The following STAG1 variants were observed in gnomAD, a reference collection of about 807,000 sequenced individuals.
STAG1 encodes STAG1 cohesin complex component.
Under a neutral mutation model 170.9 loss-of-function variants are expected in STAG1, and 26 were observed. That is an observed-to-expected ratio of 0.15 (90% CI 0.11 to 0.21). The LOEUF (loss-of-function observed/expected upper bound fraction) is 0.21. Ranked by LOEUF, STAG1 falls within the 10% of genes least tolerant of loss-of-function variation. STAG1 has a pLI of 1.00. For synonymous variants in STAG1, 514 were observed against 497.7 expected, an observed-to-expected ratio of 1.03 and a Z score of -0.44; for missense variants, 964 against 1,509.5, an observed-to-expected ratio of 0.64 and a Z score of 5.99.
At chr3:136,606,746 C>T (rs1483109878) in intron 3 of STAG1, among the ~76,000 whole-genome samples, 1 of 143,958 alleles carries the variant, frequency 6.9e-6, no homozygotes, top group Non-Finnish European at 1.5e-5. Context: ...GGAGAGGTAA[C>T]ATGCTTTTTT....
Position 136,588,891 on chromosome 3 carries a change from T to G in STAG1, c.297+15418A>C, listed in dbSNP as rs139862846. Among the ~76,000 whole-genome samples, 988 of 152,270 alleles carry G rather than the reference T, an allele frequency of 6.5e-3. 13 individuals are homozygous for G. The highest frequency in any genetic ancestry group is 5.4e-3 in the Non-Finnish European group (365 of 68,024). On this transcript the variant is annotated intron_variant, in intron 4 of 33. Transcript: ENST00000383202. ...AATTCTCCTGCTTCAGCCTCCCAAG[T>G]AGCTCGGACTACAGGCACGTGTCAC... is the stretch of plus-strand genomic sequence containing the variant.
At chr3:136,674,920 AAG>A (rs1202259088) in intron 1 of STAG1, among the ~76,000 whole-genome samples, 1 of 152,194 alleles carries the variant, frequency 6.6e-6, no homozygotes, top group Non-Finnish European at 1.5e-5. Context: ...AGCAAAAGTT[AAG>A]AGAGTAACTC....
intron 14 of STAG1, among the ~76,000 whole-genome samples, chr3:136,445,984 T>C (rs1329599689): frequency 2.6e-5 from 4 of 152,234 alleles, no homozygotes; most frequent in Non-Finnish European, 4.4e-5. Context: ...TTGATTTATA[T>C]TTACTGGGAT....
At chr3:136,616,085 G>A (rs1017657925) in intron 3 of STAG1, among the ~76,000 whole-genome samples, 3 of 151,894 alleles carry the variant, frequency 2.0e-5, no homozygotes, top group African/African-American at 7.3e-5. Context: ...TGGTTAACAC[G>A]GTGAAACCCC....
chr3:136,661,525 T>A (rs1041633951), intron 1 of STAG1, among the ~76,000 whole-genome samples: 3 of 152,134 alleles, frequency 2.0e-5, no homozygotes, highest in Non-Finnish European at 4.4e-5. Context: ...AAAATATGTA[T>A]ACACATACGA....
intron 1 of STAG1, among the ~76,000 whole-genome samples, chr3:136,746,362 G>A (rs1439334576): frequency 6.6e-6 from 1 of 151,736 alleles, no homozygotes; most frequent in Non-Finnish European, 1.5e-5. Flanking sequence ...CAATCTTTTA[G>A]CTTCCCTGGG....
At chr3:136,471,541 A>C (rs1367139535) in intron 12 of STAG1, among the ~76,000 whole-genome samples, 1 of 151,576 alleles carries the variant, frequency 6.6e-6, no homozygotes, top group Non-Finnish European at 1.5e-5. Context: ...GATTTCAAAC[A>C]ACAGTAGATC....
chr3:136,517,099 CAT>C (rs2107897419), intron 7 of STAG1, among the ~76,000 whole-genome samples: 1 of 152,286 alleles, frequency 6.6e-6, no homozygotes, highest in South Asian at 2.1e-4. Context: ...AATAATGAAT[CAT>C]ATGTGAATAT....
chr3:136,478,983 T>C (rs2089840609), intron 9 of STAG1, among the ~76,000 whole-genome samples: 1 of 152,040 alleles, frequency 6.6e-6, no homozygotes, highest in Non-Finnish European at 1.5e-5. Context: ...ATAAAATCAC[T>C]TAATACAAAT....
intron 6 of STAG1, among the ~76,000 whole-genome samples, chr3:136,530,745 T>C (rs1935327487): frequency 6.6e-6 from 1 of 151,942 alleles, no homozygotes; most frequent in Non-Finnish European, 1.5e-5. Context: ...TACCAAAACC[T>C]GTGGGATATA....
chr3:136,463,992 A>T (rs1478871291), intron 13 of STAG1, among the ~76,000 whole-genome samples: 1 of 150,892 alleles, frequency 6.6e-6, no homozygotes, highest in Non-Finnish European at 1.5e-5. Flanking sequence ...TCACGCTAAA[A>T]CATGTACATC....
intron 15 of STAG1, among the ~76,000 whole-genome samples, chr3:136,435,178 G>C (rs573694651): frequency 3.3e-5 from 5 of 152,050 alleles, no homozygotes; most frequent in African/African-American, 1.2e-4. Context: ...CTAAAATTTT[G>C]TTTAATTTCT....
At chr3:136,513,352 G>A (rs751714399) in intron 7 of STAG1, among the ~76,000 whole-genome samples, 9 of 150,160 alleles carry the variant, frequency 6.0e-5, no homozygotes, top group South Asian at 2.1e-4. Flanking sequence ...GCAAGACCCC[G>A]TCTCAAAAAA....
chr3:136,382,570 T>C (rs932537341), intron 22 of STAG1, among the ~76,000 whole-genome samples: 2 of 151,986 alleles, frequency 1.3e-5, no homozygotes, highest in Non-Finnish European at 2.9e-5. Context: ...GCCCAGCTAC[T>C]ATTTTTTTTC....
rs1490208120 is a variant in STAG1, at chr3:136,594,008, T to G, written c.297+10301A>C. ...TATAATTACAATCCTTATACATTCT[T>G]TGGCCATTTTAATACTTCTTGAAAC... On this transcript the variant is annotated intron_variant, in intron 4 of 33. Transcript: ENST00000383202. Among the ~76,000 whole-genome samples the G allele has an allele frequency of 2.0e-5, 3 of 152,314 alleles. No homozygotes were observed. The East Asian group carries it at 5.8e-4, about 29-fold the overall frequency.
intron 1 of STAG1, among the ~76,000 whole-genome samples, chr3:136,644,992 A>C (rs1261414366): frequency 6.6e-6 from 1 of 152,162 alleles, no homozygotes; most frequent in Non-Finnish European, 1.5e-5. Context: ...GATCTCCCGA[A>C]GTGCTGGGAT....
At chr3:136,417,698 CTT>C (rs1169274157) in intron 21 of STAG1, 185 bp downstream of exon 21, 4 of 502,228 alleles carry the variant, frequency 8.0e-6, no homozygotes, top group East Asian at 6.4e-5. Flanking sequence ...TTTTTCTACT[CTT>C]AACACATAAG....
At chr3:136,637,804 G>C (rs1940630322) in intron 1 of STAG1, among the ~76,000 whole-genome samples, 1 of 152,056 alleles carries the variant, frequency 6.6e-6, no homozygotes. Flanking sequence ...AAAGCATAAA[G>C]GAATGTAAGT....
At chr3:136,635,322 A>G (rs1455752576) in intron 1 of STAG1, among the ~76,000 whole-genome samples, 2 of 152,198 alleles carry the variant, frequency 1.3e-5, no homozygotes, top group Non-Finnish European at 2.9e-5. Context: ...AACATTCAAA[A>G]ATCAATTAAT....
Sources: gnomAD v4.1 joint callset for allele counts (sites outside exome capture counted in the v4.1 genomes callset) on GRCh38, gnomAD v4.1.1 for gene constraint, MANE v1.5 for transcripts, NCBI Gene and HGNC (gene_info 2026-07-23, HGNC 2026-07-21) for gene names.